Variants in ANKRA2 observed in about 807,000 individuals in gnomAD.
ANKRA2 encodes the protein ankyrin repeat family A member 2.
ANKRA2 carries 33 observed loss-of-function variants against 37.8 expected under a neutral mutation model. The observed-to-expected ratio is 0.87, with a 90% confidence interval of 0.66 to 1.17. The LOEUF (loss-of-function observed/expected upper bound fraction) is 1.17. Ranked by LOEUF, ANKRA2 falls within the 50% of genes most tolerant of loss-of-function variation. The pLI is 0.00. For missense variants in ANKRA2, 326 were observed against 373.7 expected, an observed-to-expected ratio of 0.87 and a Z score of 1.05; for synonymous variants, 126 against 132.3, an observed-to-expected ratio of 0.95 and a Z score of 0.33.
chr5:73,560,131 T>C (rs1215123171), intron 3 of ANKRA2, among the ~76,000 whole-genome samples: 1 of 152,188 alleles, frequency 6.6e-6, no homozygotes, highest in African/African-American at 2.4e-5. Context: ...TACTAGGACA[T>C]CACTTAAGCT....
At position 73,562,810 on chromosome 5, in the gene ANKRA2, T is replaced by C. The variant is rs34569578; in HGVS notation, c.72A>G (p.Leu24=). The change falls in exon 2 of 9, where the codon CTA becomes CTG. Residue 24 remains leucine (L), a synonymous_variant. Transcript: ENST00000296785. ...IVEECPSTYS[L]TGMPDIKIEH... ...CTATTTTAATGTCTGGCATGCCAGTTAGGCTATAAGTGCTGGGACACTCTT... is the reference window on the plus strand; with the variant it reads ...CTATTTTAATGTCTGGCATGCCAGTCAGGCTATAAGTGCTGGGACACTCTT... 4 of 1,614,174 alleles carry C rather than the reference T, an allele frequency of 2.5e-6. No individual in the cohort carries two copies. The highest frequency in any genetic ancestry group is 3.4e-6 in the Non-Finnish European group (4 of 1,180,016).
chr5:73,555,433 T>C, intron 5 of ANKRA2, 55 bp downstream of exon 5: 1 of 1,604,266 alleles, frequency 6.2e-7, no homozygotes, highest in Non-Finnish European at 8.5e-7. Flanking sequence ...AAAACTCTAC[T>C]AAAGACTTAA....
intron 1 of ANKRA2, 100 bp from the exon 2 acceptor site, chr5:73,563,085 A>C: frequency 2.0e-6 from 1 of 498,638 alleles, no homozygotes; most frequent in South Asian, 2.7e-5. Context: ...TGCTCTTGAA[A>C]GCACCTACAC....
Position 73,565,137 on chromosome 5 carries a change from A to G in ANKRA2, c.-110T>C. On this transcript the variant is annotated 5_prime_UTR_variant, in exon 1 of 9. Transcript: ENST00000296785. The stretch of plus-strand genomic sequence containing the variant: ...GAAAATAAATGATGCCTCACAGGCG[A>G]CAGGTGTCCCAGCGTCCCGAGACAG... The G allele has an allele frequency of 6.6e-6, 1 of 152,168 alleles. No homozygotes were observed. The highest frequency in any genetic ancestry group is 1.9e-4 in the East Asian group (1 of 5,176). The allele number at this position is 152,168 out of a possible 1,614,324, so 9.4% of individuals were successfully genotyped here. A position where few individuals can be genotyped will look rare whatever the true frequency, so the allele number is the denominator to read the frequency against.
chr5:73,560,053 C>T (rs73117972), intron 3 of ANKRA2, among the ~76,000 whole-genome samples: 6,025 of 152,112 alleles, frequency 0.04, 374 homozygotes, highest in African/African-American at 0.14. Flanking sequence ...TGTGACACGC[C>T]GTGTCTAGCC....
chr5:73,552,726 A>C lies in ANKRA2; in HGVS notation c.*71T>G, dbSNP rs934904603. 1 of 1,424,378 alleles carries C rather than the reference A, an allele frequency of 7.0e-7. No individual in the cohort carries two copies. The highest frequency in any genetic ancestry group is 1.2e-5 in the South Asian group (1 of 80,468). 88.2% of individuals were successfully genotyped at this position (1,424,378 alleles called of 1,614,324 possible). ...TATTGCAACTGAGGTAAAAATTTAT[A>C]AGTAAACAAAACTATCATTTATAAG... On this transcript the variant is annotated 3_prime_UTR_variant, in exon 9 of 9. Transcript: ENST00000296785.
At position 73,557,528 on chromosome 5, in the gene ANKRA2, A is replaced by G. The variant is rs908773426; in HGVS notation, c.514+47T>C. The G allele has an allele frequency of 3.8e-6, 5 of 1,309,712 alleles. No homozygotes were observed. The African/African-American group carries it at 4.6e-5, about 12-fold the overall frequency. The allele number at this position is 1,309,712 out of a possible 1,614,324, so 81.1% of individuals were successfully genotyped here. ...ATTAAAATAAAACAATAACAAATCT[A>G]ATAAATCCTATTGAATTTGTTTAAA... On this transcript the variant is annotated intron_variant, in intron 4 of 8. Coordinates refer to ENST00000296785, the MANE Select transcript of ANKRA2 (RefSeq NM_023039.5).
intron 3 of ANKRA2, among the ~76,000 whole-genome samples, chr5:73,558,044 T>C (rs1439410740): frequency 6.6e-6 from 1 of 152,014 alleles, no homozygotes; most frequent in Non-Finnish European, 1.5e-5. Context: ...GCCACTGCAC[T>C]CCAGTCTGGG....
At chr5:73,555,280 G>A in intron 5 of ANKRA2, 1 of 1,191,494 alleles carries the variant, frequency 8.4e-7, no homozygotes, top group Non-Finnish European at 1.1e-6. Context: ...GATGTAGAGG[G>A]GTCTGGGCGT....
chr5:73,563,731 A>G lies in ANKRA2; in HGVS notation c.-104-746T>C, dbSNP rs1365905189. Among the ~76,000 whole-genome samples the G allele has an allele frequency of 2.7e-5, 4 of 149,998 alleles. No homozygotes were observed. In the East Asian group the frequency reaches 8.0e-4, roughly 30 times the overall value. ...GACAGAAAGGAAATTAATAACATCC[A>G]GTTAATTTTTTCATGTTAGGGTTAA... On this transcript the variant is annotated intron_variant, in intron 1 of 8. Coordinates refer to ENST00000296785, the MANE Select transcript of ANKRA2 (RefSeq NM_023039.5).
rs2112024680 is a variant in ANKRA2 at position 73,562,998 on chromosome 5, A to G, written c.-104-13T>C. 1 of 964,860 alleles carries G rather than the reference A, an allele frequency of 1.0e-6. No individual in the cohort carries two copies. The allele number at this position is 964,860 out of a possible 1,614,324, so 59.8% of individuals were successfully genotyped here. A position where few individuals can be genotyped will look rare whatever the true frequency, so the allele number is the denominator to read the frequency against. On this transcript the variant is annotated splice_polypyrimidine_tract_variant and intron_variant, in intron 1 of 8. Transcript: ENST00000296785. Reference sequence around the variant, plus strand: ...GATATTTAAAAATCTGAAAGAAAAAATTAGAAAATTAAAAGTATTCTATCA... The same window carrying G: ...GATATTTAAAAATCTGAAAGAAAAAGTTAGAAAATTAAAAGTATTCTATCA...
chr5:73,555,245 G>A (rs1747368004), intron 5 of ANKRA2: 36 of 1,245,922 alleles, frequency 2.9e-5, no homozygotes, highest in Non-Finnish European at 3.7e-5. Context: ...CTCCTTCAAA[G>A]CTGACAGTAC....
In ANKRA2 at chr5:73,555,567, G is replaced by C. The variant is rs778243357; in HGVS notation, c.533C>G (p.Thr178Arg). Reference protein sequence around the residue: ...RIEQENVINHTDEEGFTPLMW... With the variant: ...RIEQENVINHRDEEGFTPLMW... ...CAGAGGAGTAAATCCTTCTTCATCC[G>C]TGTGATTGATAACATTTTCTATTTA... The change falls in exon 5 of 9, where the codon ACG (threonine) becomes AGG (arginine). Residue 178 changes from threonine (T) to arginine (R), a missense_variant. By Grantham distance (71) the Thr-to-Arg change is moderately conservative (BLOSUM62 -1). Coordinates refer to ENST00000296785, the MANE Select transcript of ANKRA2 (RefSeq NM_023039.5). 6.2e-7 allele frequency: 1 copy of C among 1,613,500 alleles called. No individual in the cohort carries two copies. The highest frequency in any genetic ancestry group is 8.5e-7 in the Non-Finnish European group (1 of 1,179,834).
chr5:73,561,509 T>C lies in ANKRA2; in HGVS notation c.290-221A>G, dbSNP rs1312903844. On this transcript the variant is annotated intron_variant, in intron 2 of 8. Coordinates refer to ENST00000296785, the MANE Select transcript of ANKRA2 (RefSeq NM_023039.5). The stretch of plus-strand genomic sequence containing the variant: ...AGGCTGGGCATGGTGCTCACGCCTG[T>C]AACCCCAGCACTTTGGGAGGCCAAG... 6.7e-6 allele frequency: 3 copies of C among 447,232 alleles called. No individual in the cohort carries two copies. In the East Asian group the frequency reaches 1.4e-4, roughly 22 times the overall value. 27.7% of individuals were successfully genotyped at this position (447,232 alleles called of 1,614,324 possible). A position where few individuals can be genotyped will look rare whatever the true frequency, so the allele number is the denominator to read the frequency against.
chr5:73,564,111 GAAA>G lies in ANKRA2; in HGVS notation c.-105+1018_-105+1020del, dbSNP rs34080535. Among the ~76,000 whole-genome samples, 247 of 146,648 alleles carry G rather than the reference GAAA, an allele frequency of 1.7e-3. No individual in the cohort carries two copies. In the South Asian group the frequency reaches 0.019, roughly 11 times the overall value. On this transcript the variant is annotated intron_variant, in intron 1 of 8. Coordinates refer to ENST00000296785, the MANE Select transcript of ANKRA2 (RefSeq NM_023039.5). ...AATAAATAACACATAGTATAGTAAG[GAAA>G]AAAAAAAAAAGCAGGAAGTAAGAAG...
At chr5:73,556,166 A>G (rs1747393611) in intron 4 of ANKRA2, among the ~76,000 whole-genome samples, 1 of 152,196 alleles carries the variant, frequency 6.6e-6, no homozygotes, top group Non-Finnish European at 1.5e-5. Context: ...AGATAATATA[A>G]TGTGAATGAA....
At chr5:73,564,967 G>C (rs1747684778) in intron 1 of ANKRA2, among the ~76,000 whole-genome samples, 165 bp downstream of exon 1, 1 of 152,122 alleles carries the variant, frequency 6.6e-6, no homozygotes, top group Admixed American at 6.5e-5. Context: ...GGTTCACCTC[G>C]ATCTGTCAGA....
chr5:73,552,755 C>G lies in ANKRA2; in HGVS notation c.*42G>C. 2.6e-6 allele frequency: 4 copies of G among 1,536,374 alleles called. No individual in the cohort carries two copies. Among genetic ancestry groups the G allele is most frequent in the Non-Finnish European group, 3.6e-6 (4 of 1,115,332 alleles). On this transcript the variant is annotated 3_prime_UTR_variant, in exon 9 of 9. Transcript: ENST00000296785. ...AAACAAAACTATCATTTATAAGGAC[C>G]AAGAAGTAAACAAAAGGGCAGACAT...
rs1561273368 is a variant in ANKRA2 at position 73,565,503 on chromosome 5, C to CT, written c.-477dup. On this transcript the variant is annotated 5_prime_UTR_variant, in exon 1 of 9. Coordinates refer to ENST00000296785, the MANE Select transcript of ANKRA2 (RefSeq NM_023039.5). ...AATGCAGCTGAAACTTTCGGGTTTTCTTTTTTTTGTCCCTCTCTCCTTTTT... is the reference window on the plus strand; with the variant it reads ...AATGCAGCTGAAACTTTCGGGTTTTCTTTTTTTTTGTCCCTCTCTCCTTTTT... The CT allele has an allele frequency of 6.4e-5, 16 of 248,158 alleles. No homozygotes were observed. The highest frequency in any genetic ancestry group is 8.2e-5 in the Non-Finnish European group (10 of 122,244). 15.4% of individuals were successfully genotyped at this position (248,158 alleles called of 1,614,324 possible).
Sources: gnomAD v4.1 joint callset for allele counts (sites outside exome capture counted in the v4.1 genomes callset) on GRCh38, gnomAD v4.1.1 for gene constraint, MANE v1.5 for transcripts, NCBI Gene and HGNC (gene_info 2026-07-23, HGNC 2026-07-21) for gene names.